The following TCF20 variants were observed in gnomAD, a reference collection of about 807,000 sequenced individuals.
TCF20 encodes the protein transcription factor 20.
Under a neutral mutation model 148.6 loss-of-function variants are expected in TCF20, and 3 were observed. The ratio of observed to expected loss-of-function variants is 0.02; its 90% confidence interval spans 0.01 to 0.05. The LOEUF is 0.05. Ranked by LOEUF, TCF20 falls within the 10% of genes least tolerant of loss-of-function variation. The pLI, the probability that TCF20 is intolerant of heterozygous loss-of-function variation, is 1.00. For synonymous variants in TCF20, 1,049 were observed against 909.5 expected, an observed-to-expected ratio of 1.15 and a Z score of -2.76; for missense variants, 2,350 against 2,429.3, an observed-to-expected ratio of 0.97 and a Z score of 0.69.
At chr22:42,239,488 A>AG (rs1924200240) in intron 1 of TCF20, among the ~76,000 whole-genome samples, 2 of 150,586 alleles carry the variant, frequency 1.3e-5, no homozygotes, top group South Asian at 4.2e-4. Context: ...GAAAAAAAAA[A>AG]AAAGTTTAAA....
chr22:42,289,305 C>T (rs1449798775), intron 1 of TCF20, among the ~76,000 whole-genome samples: 1 of 152,200 alleles, frequency 6.6e-6, no homozygotes, highest in Non-Finnish European at 1.5e-5. Flanking sequence ...CCACATCCCA[C>T]CGACACACTC....
At chr22:42,254,629 C>T (rs903515211) in intron 1 of TCF20, among the ~76,000 whole-genome samples, 2 of 152,206 alleles carry the variant, frequency 1.3e-5, no homozygotes, top group African/African-American at 4.8e-5. Flanking sequence ...GCTCTTAAGA[C>T]CCTCCTCAGA....
chr22:42,261,714 T>C (rs1432933209), intron 1 of TCF20, among the ~76,000 whole-genome samples: 1 of 152,066 alleles, frequency 6.6e-6, no homozygotes, highest in Non-Finnish European at 1.5e-5. Flanking sequence ...TATAAAAAAG[T>C]TCCAGATGGT....
At chr22:42,246,136 C>T (rs756341264) in intron 1 of TCF20, among the ~76,000 whole-genome samples, 3 of 152,112 alleles carry the variant, frequency 2.0e-5, no homozygotes, top group Non-Finnish European at 4.4e-5. Context: ...GATGGAGTCT[C>T]ACTCTGTCAC....
At chr22:42,188,080 G>GGTCAC (rs1401049931) in intron 2 of TCF20, among the ~76,000 whole-genome samples, 1 of 151,906 alleles carries the variant, frequency 6.6e-6, no homozygotes, top group African/African-American at 2.4e-5. Context: ...GATCACCTGA[G>GGTCAC]GTCACGAGTT....
upstream of TCF20, among the ~76,000 whole-genome samples, chr22:42,286,881 G>T (rs775716442): frequency 6.6e-6 from 1 of 152,174 alleles, no homozygotes; most frequent in East Asian, 1.9e-4. Flanking sequence ...CCCTTGAACC[G>T]TGGAGGACGT....
intron 1 of TCF20, among the ~76,000 whole-genome samples, chr22:42,283,380 G>C (rs1382493454): frequency 6.6e-6 from 1 of 151,732 alleles, no homozygotes; most frequent in Non-Finnish European, 1.5e-5. Flanking sequence ...GCTGGATCTG[G>C]ACCGGAGGGG....
At chr22:42,283,857 C>A (rs1398264416) in exon 1 of TCF20, among the ~76,000 whole-genome samples, 2 of 152,216 alleles carry the variant, frequency 1.3e-5, no homozygotes, top group Non-Finnish European at 2.9e-5. Context: ...CTGGCCCTTG[C>A]CCCAGACCCC....
chr22:42,323,860 ATGG>A lies in TCF20; in HGVS notation c.-37+19616_-37+19618del, dbSNP rs750556854. The stretch of plus-strand genomic sequence containing the variant: ...GGTGGTGGTAGTGGTGATGGAGGTT[ATGG>A]TGGTGGTGGTGGTGGTGGTGATGGA... On this transcript the variant is annotated intron_variant, in intron 1 of 1. Coordinates refer to the TCF20 transcript ENST00000515426. Among the ~76,000 whole-genome samples, 378 of 71,112 alleles carry A rather than the reference ATGG, an allele frequency of 5.3e-3. 6 individuals are homozygous for A. The highest frequency in any genetic ancestry group is 7.3e-3 in the Non-Finnish European group (221 of 30,274). 46.7% of individuals were successfully genotyped at this position (71,112 alleles called of 152,430 possible).
At chr22:42,304,974 G>A (rs965083090) in intron 1 of TCF20, among the ~76,000 whole-genome samples, 4 of 152,038 alleles carry the variant, frequency 2.6e-5, no homozygotes, top group African/African-American at 9.7e-5. Context: ...TCTACAGCTT[G>A]TGCTCTTTCC....
intron 1 of TCF20, among the ~76,000 whole-genome samples, chr22:42,261,483 G>A (rs1926025333): frequency 6.6e-6 from 1 of 152,134 alleles, no homozygotes. Flanking sequence ...TACGTGTTTT[G>A]CTTAAATAAC....
rs59283483 is a variant in TCF20 at position 42,221,739 on chromosome 22, G to GTTTTTTTTTTTTTTTTT, written c.-36-6415_-36-6399dup. On this transcript the variant is annotated intron_variant, in intron 1 of 5. Coordinates refer to ENST00000677622, the MANE Select transcript of TCF20 (RefSeq NM_001378418.1). ...GGGCTTATTAACCATATGGCAAAGG[G>GTTTTTTTTTTTTTTTTT]TTTTTTTTTTTTTTTTTGAGACGGA... Among the ~76,000 whole-genome samples the GTTTTTTTTTTTTTTTTT allele has an allele frequency of 4.2e-4, 39 of 92,806 alleles. 3 individuals are homozygous for GTTTTTTTTTTTTTTTTT. The highest frequency in any genetic ancestry group is 8.6e-4 in the African/African-American group (17 of 19,694). The allele number at this position is 92,806 out of a possible 152,430, so 60.9% of individuals were successfully genotyped here. A position where few individuals can be genotyped will look rare whatever the true frequency, so the allele number is the denominator to read the frequency against.
rs2147062573 is a variant in TCF20, at chr22:42,338,112, G to T, written c.-37+5367C>A. Among the ~76,000 whole-genome samples, 2 of 152,286 alleles carry T rather than the reference G, an allele frequency of 1.3e-5. No homozygotes were observed. Among genetic ancestry groups the T allele is most frequent in the South Asian group, 4.1e-4 (2 of 4,822 alleles). ...CAGGAAGAAAACCCTCTGGGCCCAG[G>T]TCCTACTCTGTACACAACTCCCGCC... On this transcript the variant is annotated intron_variant, in intron 1 of 1. Transcript: ENST00000515426. The surrounding 1 kb of genome is among the most constrained non-coding windows in gnomAD (Gnocchi z 4.0).
In TCF20 at chr22:42,214,161, C is replaced by T. The variant is rs762930856; in HGVS notation, c.1145G>A (p.Cys382Tyr). The change falls in exon 2 of 6, where the codon TGT becomes TAT. Residue 382 changes from cysteine (C) to tyrosine (Y), a missense_variant. Physicochemically the swap from Cys to Tyr is radical, Grantham distance 194. Around this residue, in one of 7 missense-constraint regions of TCF20, gnomAD observed 1,641 missense variants for 1,662.6 expected, o/e 0.99. Transcript: ENST00000677622. ...PAASVVQSPS[C>Y]SSTPSPLMQT... Reference sequence around the variant, plus strand: ...CATGAGAGGAGATGGGGTAGAACTACAGCTTGGAGACTGAACCACAGAGGC... The same window carrying T: ...CATGAGAGGAGATGGGGTAGAACTATAGCTTGGAGACTGAACCACAGAGGC... The T allele has an allele frequency of 6.8e-6, 11 of 1,614,186 alleles. No individual in the cohort carries two copies. The Middle Eastern group carries it at 8.2e-4, about 121-fold the overall frequency.
intron 2 of TCF20, among the ~76,000 whole-genome samples, chr22:42,181,225 C>A (rs1936757383): frequency 6.6e-6 from 1 of 152,106 alleles, no homozygotes; most frequent in African/African-American, 2.4e-5. Context: ...GCTTTGTCGC[C>A]CAGGCTGGAG....
chr22:42,174,474 T>A (rs1936318184), intron 3 of TCF20, among the ~76,000 whole-genome samples: 1 of 152,178 alleles, frequency 6.6e-6, no homozygotes, highest in African/African-American at 2.4e-5. Flanking sequence ...CACCCTAATG[T>A]GTCCCTGAAC....
At position 42,211,943 on chromosome 22, in the gene TCF20, C is replaced by G; in HGVS notation, c.3363G>C (p.Lys1121Asn). Reference protein sequence around the residue: ...AAQHRQEGPRKSPRQQQFLDR... With the variant: ...AAQHRQEGPRNSPRQQQFLDR... ...CAAGAAACTGCTGCTGCCTTGGACT[C>G]TTCCGTGGCCCCTCCTGCCTGTGCT... is the stretch of plus-strand genomic sequence containing the variant. The change falls in exon 2 of 6, where the codon AAG (lysine) becomes AAC (asparagine). Residue 1121 changes from lysine (K) to asparagine (N), a missense_variant. Around this residue, in one of 7 missense-constraint regions of TCF20, gnomAD observed 1,641 missense variants for 1,662.6 expected, o/e 0.99. Coordinates refer to ENST00000677622, the MANE Select transcript of TCF20 (RefSeq NM_001378418.1). 6.2e-7 allele frequency: 1 copy of G among 1,614,232 alleles called. No homozygotes were observed. Among genetic ancestry groups the G allele is most frequent in the South Asian group, 1.1e-5 (1 of 91,088 alleles).
chr22:42,258,271 C>G lies in TCF20; in HGVS notation c.-37+12068G>C, dbSNP rs142994063. Among the ~76,000 whole-genome samples, 47 of 152,122 alleles carry G rather than the reference C, an allele frequency of 3.1e-4. 1 individual carries two copies. Among genetic ancestry groups the G allele is most frequent in the East Asian group, 2.5e-3 (13 of 5,188 alleles). Reference sequence around the variant, plus strand: ...ACCTCCAACTCTCCATACCTCCCCCCCCTTCCCTAGGCAGAGGATCTTCAG... The same window carrying G: ...ACCTCCAACTCTCCATACCTCCCCCGCCTTCCCTAGGCAGAGGATCTTCAG... On this transcript the variant is annotated intron_variant, in intron 1 of 5. Transcript: ENST00000677622.
At chr22:42,186,516 GACAA>G (rs1937055283) in intron 2 of TCF20, among the ~76,000 whole-genome samples, 1 of 152,010 alleles carries the variant, frequency 6.6e-6, no homozygotes, top group South Asian at 2.1e-4. Context: ...ATTAAATTAA[GACAA>G]ACAGTTTAAA....
Sources: allele counts gnomAD v4.1 joint callset (sites outside exome capture counted in the v4.1 genomes callset), GRCh38; gene constraint gnomAD v4.1.1; regional missense constraint gnomAD v4.1.1; non-coding constraint Gnocchi (gnomAD v3.1); transcripts MANE v1.5; gene names NCBI Gene and HGNC (gene_info 2026-07-23, HGNC 2026-07-21).